The following TSPAN7 variants were observed in gnomAD, a reference collection of about 807,000 sequenced individuals.
TSPAN7 encodes the protein tetraspanin-7.
In TSPAN7, 1 loss-of-function variant was observed where a neutral mutation model predicts 17.6. The observed-to-expected ratio is 0.06, with a 90% CI of 0.02 to 0.27. The LOEUF (loss-of-function observed/expected upper bound fraction) is 0.27. TSPAN7 is among the 10% of genes least tolerant of loss of function. TSPAN7 has a pLI of 1.00. For synonymous variants in TSPAN7, 78 were observed against 79.0 expected, an observed-to-expected ratio of 0.99 and a Z score of 0.07; for missense variants, 112 against 201.7, an observed-to-expected ratio of 0.56 and a Z score of 2.69.
chrX:38,573,000 A>C (rs907650559), intron 1 of TSPAN7, among the ~76,000 whole-genome samples: 5 of 111,687 alleles, frequency 4.5e-5, no homozygotes, highest in Non-Finnish European at 9.4e-5. Context: ...TCTGAGCCCC[A>C]GTTTCCTCTT....
chrX:38,603,950 C>T (rs1177279255), intron 1 of TSPAN7, among the ~76,000 whole-genome samples: 1 of 103,286 alleles, frequency 9.7e-6, no homozygotes, highest in East Asian at 3.1e-4. Flanking sequence ...TATACCTGTG[C>T]CATGCTGGTG....
At chrX:38,681,400 C>T in intron 6 of TSPAN7, 113 bp downstream of exon 6, 1 of 634,464 alleles carries the variant, frequency 1.6e-6, no homozygotes, top group Non-Finnish European at 2.7e-6. Flanking sequence ...TAGATGGGGT[C>T]AAAGCTCCTT....
chrX:38,589,142 T>G (rs1243000514), intron 1 of TSPAN7, among the ~76,000 whole-genome samples: 3 of 112,122 alleles, frequency 2.7e-5, no homozygotes, highest in Non-Finnish European at 3.8e-5. Flanking sequence ...CTTTAGTTGC[T>G]TAGCCACTTC....
At chrX:38,674,150 G>A (rs768509362) in intron 3 of TSPAN7, 71 bp from the exon 4 acceptor site, 15 of 830,594 alleles carry the variant, frequency 1.8e-5, no homozygotes, top group Non-Finnish European at 2.5e-5. Context: ...TGTTAGGGTA[G>A]AATTTGGTAA....
At chrX:38,650,083 T>C (rs1026280026) in intron 1 of TSPAN7, among the ~76,000 whole-genome samples, 3 of 111,806 alleles carry the variant, frequency 2.7e-5, no homozygotes, top group African/African-American at 6.5e-5. Context: ...CCAGTGTGCA[T>C]AGATAGAGAA....
Position 38,614,382 on chromosome X carries a change from G to A in TSPAN7, c.82-51739G>A, listed in dbSNP as rs754552394. ...AAAGACAAATTGAAACTCAGATTAA[G>A]CAGTGCATCCAAGGTCACTGCTAAA... On this transcript the variant is annotated intron_variant, in intron 1 of 7. Coordinates refer to ENST00000378482, the MANE Select transcript of TSPAN7 (RefSeq NM_004615.4). 2.7e-5 allele frequency among the ~76,000 whole-genome samples: 3 copies of A among 112,210 alleles called. No individual in the cohort carries two copies. The Admixed American group carries it at 2.8e-4, about 11-fold the overall frequency.
chrX:38,643,638 C>T (rs1411437137), intron 1 of TSPAN7, among the ~76,000 whole-genome samples: 1 of 97,215 alleles, frequency 1.0e-5, no homozygotes, highest in African/African-American at 3.9e-5. Flanking sequence ...AGATCAAGAC[C>T]ATCCTGGCTA....
chrX:38,616,252 T>C (rs1004961702), intron 1 of TSPAN7, among the ~76,000 whole-genome samples: 2 of 112,052 alleles, frequency 1.8e-5, no homozygotes, highest in Admixed American at 1.9e-4. Flanking sequence ...TATTAATATC[T>C]CCACTTTACA....
At chrX:38,623,291 A>G (rs1258956078) in intron 1 of TSPAN7, among the ~76,000 whole-genome samples, 1 of 111,520 alleles carries the variant, frequency 9.0e-6, no homozygotes, top group Non-Finnish European at 1.9e-5. Context: ...GCCATGTGGT[A>G]AGATCAAAGA....
At chrX:38,580,319 C>T (rs2069221143) in intron 1 of TSPAN7, among the ~76,000 whole-genome samples, 2 of 112,148 alleles carry the variant, frequency 1.8e-5, no homozygotes, top group African/African-American at 6.5e-5. Flanking sequence ...GCCTATTGAA[C>T]ATTAAACAAT....
chrX:38,681,052 T>C (rs767186357), intron 5 of TSPAN7, 152 bp from the exon 6 acceptor site: 1 of 503,385 alleles, frequency 2.0e-6, no homozygotes, highest in East Asian at 3.6e-5. Flanking sequence ...TTGTTTTAAG[T>C]TTGAAAAGAA....
At chrX:38,589,937 A>G (rs1374635483) in intron 1 of TSPAN7, among the ~76,000 whole-genome samples, 4 of 112,625 alleles carry the variant, frequency 3.6e-5, no homozygotes, top group Admixed American at 2.8e-4. Flanking sequence ...TTACTTCTCT[A>G]TAAAGACCTA....
At chrX:38,630,538 C>T (rs1274125379) in intron 1 of TSPAN7, among the ~76,000 whole-genome samples, 1 of 111,434 alleles carries the variant, frequency 9.0e-6, no homozygotes, top group Non-Finnish European at 1.9e-5. Context: ...GCAGTATCCT[C>T]AGTATAATGT....
At chrX:38,687,463 T>C (rs2069933089) in intron 6 of TSPAN7, 136 bp from the exon 7 acceptor site, 1 of 511,642 alleles carries the variant, frequency 2.0e-6, no homozygotes, top group Non-Finnish European at 3.1e-6. Context: ...ACTTGGTTGT[T>C]AAAAAATTAT....
intron 2 of TSPAN7, 98 bp from the exon 3 acceptor site, chrX:38,671,278 C>T (rs1161239773): frequency 6.0e-6 from 5 of 833,891 alleles, no homozygotes; most frequent in Non-Finnish European, 9.1e-6. Flanking sequence ...AGTGTGAGGA[C>T]TTGTCTAATT....
rs1359638791 is a variant in TSPAN7, at chrX:38,658,300, C to A, written c.82-7821C>A. On this transcript the variant is annotated intron_variant, in intron 1 of 7. Coordinates refer to ENST00000378482, the MANE Select transcript of TSPAN7 (RefSeq NM_004615.4). ...GGCTCAGGTGATCCTCCCACCTCAG[C>A]CTCCCAAGTAGCTGGGACTACAGGC... Among the ~76,000 whole-genome samples the A allele has an allele frequency of 1.6e-4, 18 of 110,405 alleles. No homozygotes were observed. In the East Asian group the frequency reaches 4.6e-3, roughly 28 times the overall value.
chrX:38,638,595 C>G (rs2069594897), intron 1 of TSPAN7, among the ~76,000 whole-genome samples: 1 of 111,502 alleles, frequency 9.0e-6, no homozygotes, highest in Non-Finnish European at 1.9e-5. Flanking sequence ...ACCTACCATT[C>G]CCATCAGCTT....
intron 1 of TSPAN7, among the ~76,000 whole-genome samples, chrX:38,628,338 T>A (rs746901452): frequency 2.0e-4 from 22 of 111,889 alleles, no homozygotes; most frequent in South Asian, 1.1e-3. Flanking sequence ...GCAAATATGT[T>A]TTTTTTTGTT....
At chrX:38,571,267 C>T (rs1262885511) in intron 1 of TSPAN7, among the ~76,000 whole-genome samples, 2 of 111,014 alleles carry the variant, frequency 1.8e-5, no homozygotes, top group African/African-American at 6.5e-5. Flanking sequence ...CAGTGATTCT[C>T]ACCCTGTTTG....
Sources: allele counts gnomAD v4.1 joint callset (sites outside exome capture counted in the v4.1 genomes callset), GRCh38; gene constraint gnomAD v4.1.1; transcripts MANE v1.5; gene names NCBI Gene and HGNC (gene_info 2026-07-23, HGNC 2026-07-21).